Variants in ADGRL3 observed in about 807,000 individuals in gnomAD.
ADGRL3 encodes the protein calcium-independent alpha-latrotoxin receptor 3.
A neutral mutation model predicts 153.5 loss-of-function variants in ADGRL3; 62 were observed. The observed-to-expected ratio is 0.40, with a 90% CI of 0.33 to 0.50. The LOEUF (loss-of-function observed/expected upper bound fraction) is 0.50, where lower values mean the gene tolerates loss of function less well. Ranked by LOEUF, ADGRL3 falls within the 20% of genes least tolerant of loss-of-function variation. The probability of loss-of-function intolerance (pLI) is 0.47; values close to 1 mark genes in which losing one functional copy is unlikely to be tolerated. For synonymous variants in ADGRL3, 710 were observed against 672.5 expected (o/e 1.06, Z -0.86); for missense variants, 1,641 against 1,859.4 (o/e 0.88, Z 2.16).
intron 3 of ADGRL3, among the ~76,000 whole-genome samples, chr4:61,498,768 A>G (rs2098350266): frequency 1.3e-5 from 2 of 152,172 alleles, no homozygotes; most frequent in African/African-American, 4.8e-5. Flanking sequence ...TATTTAATAT[A>G]TAAGCGAGAC....
At chr4:61,333,472 C>T (rs185043126) in intron 1 of ADGRL3, among the ~76,000 whole-genome samples, 46 of 152,254 alleles carry the variant, frequency 3.0e-4, no homozygotes, top group African/African-American at 9.9e-4. Context: ...ATCACTTATA[C>T]GGTGTTGTAT....
At chr4:61,255,035 C>A (rs1309320172) in intron 1 of ADGRL3, among the ~76,000 whole-genome samples, 1 of 151,978 alleles carries the variant, frequency 6.6e-6, no homozygotes, top group East Asian at 1.9e-4. Context: ...GGATAATGTA[C>A]ACAAACTAAC....
At chr4:61,370,080 C>G (rs2096490352) in intron 1 of ADGRL3, among the ~76,000 whole-genome samples, 1 of 152,048 alleles carries the variant, frequency 6.6e-6, no homozygotes, top group Non-Finnish European at 1.5e-5. Flanking sequence ...GTGATATCCC[C>G]TTTATCATTT....
At chr4:61,326,823 C>G (rs1412742587) in intron 1 of ADGRL3, among the ~76,000 whole-genome samples, 1 of 151,918 alleles carries the variant, frequency 6.6e-6, no homozygotes, top group Non-Finnish European at 1.5e-5. Flanking sequence ...ATGGGAATCT[C>G]TCAGCTAAAT....
intron 5 of ADGRL3, among the ~76,000 whole-genome samples, chr4:61,619,038 C>T (rs561664768): frequency 2.0e-5 from 3 of 152,128 alleles, no homozygotes; most frequent in Non-Finnish European, 4.4e-5. Context: ...GTTTAAGTCA[C>T]ATTTTTTTAA....
chr4:61,481,946 T>C (rs2098136192), intron 2 of ADGRL3, among the ~76,000 whole-genome samples: 1 of 152,144 alleles, frequency 6.6e-6, no homozygotes, highest in African/African-American at 2.4e-5. Context: ...AAAAATACGT[T>C]TTTTTCCTGA....
chr4:61,277,497 T>C (rs2093521775), intron 1 of ADGRL3, among the ~76,000 whole-genome samples: 1 of 152,152 alleles, frequency 6.6e-6, no homozygotes, highest in Non-Finnish European at 1.5e-5. Context: ...TACTCTTTTT[T>C]TGGTCAAGGT....
chr4:61,917,615 G>A (rs1040132118), intron 13 of ADGRL3, among the ~76,000 whole-genome samples: 2 of 152,162 alleles, frequency 1.3e-5, no homozygotes, highest in Admixed American at 6.6e-5. Flanking sequence ...CAACACATGT[G>A]ATTTTCTGTC....
intron 3 of ADGRL3, among the ~76,000 whole-genome samples, chr4:61,505,864 T>C (rs1345918476): frequency 1.3e-5 from 2 of 152,006 alleles, no homozygotes; most frequent in Admixed American, 1.3e-4. Context: ...GCAGAGAACC[T>C]GGTGTTTTAT....
At chr4:61,748,094 A>C (rs1482581971) in intron 8 of ADGRL3, among the ~76,000 whole-genome samples, 2 of 151,542 alleles carry the variant, frequency 1.3e-5, no homozygotes, top group Non-Finnish European at 2.9e-5. Context: ...ATCATGAGTG[A>C]ACTCCCATTC....
At chr4:61,744,418 G>A (rs571403517) in intron 8 of ADGRL3, among the ~76,000 whole-genome samples, 44 of 152,240 alleles carry the variant, frequency 2.9e-4, no homozygotes, top group Non-Finnish European at 4.3e-4. Context: ...TCCTCAAGTG[G>A]GTCCCTGACC....
intron 5 of ADGRL3, among the ~76,000 whole-genome samples, chr4:61,652,465 G>A (rs188998785): frequency 2.0e-5 from 3 of 152,110 alleles, no homozygotes; most frequent in African/African-American, 4.8e-5. Flanking sequence ...CACACTTTAT[G>A]TGTTTATTGC....
intron 2 of ADGRL3, among the ~76,000 whole-genome samples, chr4:61,441,003 T>TTA (rs2097523101): frequency 6.6e-6 from 1 of 152,188 alleles, no homozygotes; most frequent in Admixed American, 6.5e-5. Flanking sequence ...CTCTGAGAGA[T>TTA]TATAGACTTA....
intron 9 of ADGRL3, among the ~76,000 whole-genome samples, chr4:61,857,006 T>TTCTC (rs1554048323): frequency 0.19 from 21,297 of 112,660 alleles, 3,220 homozygotes; most frequent in Non-Finnish European, 0.22. Context: ...CTTTCTTTCT[T>TTCTC]TCTTTCTTTC....
intron 9 of ADGRL3, among the ~76,000 whole-genome samples, chr4:61,832,903 C>T (rs2097889476): frequency 6.7e-6 from 1 of 150,334 alleles, no homozygotes; most frequent in East Asian, 2.0e-4. Context: ...AAGCAGTCCT[C>T]TTACCTCAGC....
chr4:61,502,248 C>G (rs924127330), intron 3 of ADGRL3, among the ~76,000 whole-genome samples: 2 of 152,092 alleles, frequency 1.3e-5, no homozygotes, highest in Non-Finnish European at 2.9e-5. Context: ...GAGGTAACTA[C>G]ACCTAAGCCC....
At chr4:61,624,902 C>T (rs573800124) in intron 5 of ADGRL3, among the ~76,000 whole-genome samples, 20 of 151,962 alleles carry the variant, frequency 1.3e-4, no homozygotes, top group Non-Finnish European at 2.5e-4. Flanking sequence ...TTTTTTAAAA[C>T]TTATAAATTA....
intron 2 of ADGRL3, among the ~76,000 whole-genome samples, chr4:61,485,462 A>G (rs1211866564): frequency 6.6e-6 from 1 of 152,186 alleles, no homozygotes; most frequent in African/African-American, 2.4e-5. Context: ...CTTTTGAAAA[A>G]ATATTGAAAT....
At chr4:61,238,442 G>GT (rs1553883262) in intron 1 of ADGRL3, among the ~76,000 whole-genome samples, 5 of 147,552 alleles carry the variant, frequency 3.4e-5, no homozygotes, top group Non-Finnish European at 6.0e-5. Context: ...TCTAATGTGT[G>GT]GTGTGTGTGT....
Sources: gnomAD v4.1 joint callset for allele counts (sites outside exome capture counted in the v4.1 genomes callset) on GRCh38, gnomAD v4.1.1 for gene constraint, MANE v1.5 for transcripts, NCBI Gene and HGNC (gene_info 2026-07-23, HGNC 2026-07-21) for gene names.